Variants in LRMDA observed in about 807,000 individuals in gnomAD.
LRMDA encodes leucine rich melanocyte differentiation associated, also known as leucine-rich melanocyte differentiation-associated protein.
In LRMDA, 18 loss-of-function variants were observed where a neutral mutation model predicts 29.8. That is an observed-to-expected ratio of 0.60 (90% CI 0.42 to 0.90). The LOEUF (loss-of-function observed/expected upper bound fraction) is 0.90, where lower values mean the gene tolerates loss of function less well. LRMDA is among the 40% of genes least tolerant of loss of function. LRMDA has a pLI of 0.00. For synonymous variants in LRMDA, 125 were observed against 109.4 expected, an observed-to-expected ratio of 1.14 and a Z score of -0.89; for missense variants, 273 against 273.9, an observed-to-expected ratio of 1.00 and a Z score of 0.02.
At position 75,606,049 on chromosome 10, in the gene LRMDA, G is replaced by T. The variant is rs1173299604; in HGVS notation, c.131+167555G>T. 2.1e-5 allele frequency among the ~76,000 whole-genome samples: 3 copies of T among 143,294 alleles called. No homozygotes were observed. In the South Asian group the frequency reaches 6.2e-4, roughly 30 times the overall value. The allele number at this position is 143,294 out of a possible 152,430, so 94.0% of individuals were successfully genotyped here. A position where few individuals can be genotyped will look rare whatever the true frequency, so the allele number is the denominator to read the frequency against. ...ATTTTTGTATTTTTTGCAGAGATGGGGTTTCATCATATTGCCCAGGCTGGT... is the reference window on the plus strand; with the variant it reads ...ATTTTTGTATTTTTTGCAGAGATGGTGTTTCATCATATTGCCCAGGCTGGT... On this transcript the variant is annotated intron_variant, in intron 2 of 6. Transcript: ENST00000611255.
At chr10:75,779,852 C>A (rs1843358509) in intron 2 of LRMDA, among the ~76,000 whole-genome samples, 1 of 152,158 alleles carries the variant, frequency 6.6e-6, no homozygotes, top group Admixed American at 6.5e-5. Flanking sequence ...TTATGTCTAC[C>A]TGGAACCTAA....
intron 6 of LRMDA, among the ~76,000 whole-genome samples, chr10:76,515,040 T>C (rs1379277635): frequency 3.9e-5 from 6 of 152,128 alleles, no homozygotes; most frequent in South Asian, 2.1e-4. Context: ...GGCAGTTGTA[T>C]TGAAAAAAAA....
At chr10:75,851,224 A>C (rs1386854190) in intron 2 of LRMDA, among the ~76,000 whole-genome samples, 1 of 152,240 alleles carries the variant, frequency 6.6e-6, no homozygotes, top group Non-Finnish European at 1.5e-5. Context: ...TTGAGCTGAC[A>C]TGAAGGGTGC....
chr10:76,272,387 A>G (rs1316896265), intron 5 of LRMDA, among the ~76,000 whole-genome samples: 2 of 152,194 alleles, frequency 1.3e-5, no homozygotes, highest in Admixed American at 6.5e-5. Flanking sequence ...CAGCTCTTCA[A>G]TAGAACCTGG....
chr10:76,292,775 G>A (rs1004374565), intron 5 of LRMDA, among the ~76,000 whole-genome samples: 7 of 151,672 alleles, frequency 4.6e-5, no homozygotes, highest in Non-Finnish European at 8.8e-5. Flanking sequence ...AAAGCCGTGT[G>A]ACAATTGGCT....
chr10:76,093,345 AC>A (rs1405176551), intron 5 of LRMDA, among the ~76,000 whole-genome samples: 1 of 146,574 alleles, frequency 6.8e-6, no homozygotes, highest in East Asian at 2.5e-4. Flanking sequence ...GTTATTATAG[AC>A]AAAAAAAAAA....
intron 6 of LRMDA, among the ~76,000 whole-genome samples, chr10:76,405,054 T>G (rs950719247): frequency 1.3e-5 from 2 of 152,170 alleles, no homozygotes; most frequent in Non-Finnish European, 2.9e-5. Flanking sequence ...CTAGATGTTA[T>G]TAGCTCGGTG....
At position 76,426,065 on chromosome 10, in the gene LRMDA, G is replaced by A. The variant is rs186277615; in HGVS notation, c.601+101580G>A. ...TGAGTAGTGCCGCAAATAAACATAC[G>A]TGTGCATGTGTCTTTATAGCAGCAT... is the stretch of plus-strand genomic sequence containing the variant. On this transcript the variant is annotated intron_variant, in intron 6 of 6. Transcript: ENST00000611255. Among the ~76,000 whole-genome samples, 1,004 of 152,212 alleles carry A rather than the reference G, an allele frequency of 6.6e-3. 14 individuals carry two copies. Among genetic ancestry groups the A allele is most frequent in the African/African-American group, 0.023 (951 of 41,528 alleles).
At chr10:76,465,976 C>T (rs907034528) in intron 6 of LRMDA, among the ~76,000 whole-genome samples, 1 of 152,162 alleles carries the variant, frequency 6.6e-6, no homozygotes, top group Non-Finnish European at 1.5e-5. Flanking sequence ...TCTTTATATA[C>T]ACTATCTCCA....
chr10:76,376,444 G>A (rs760339435), intron 6 of LRMDA, among the ~76,000 whole-genome samples: 5 of 151,792 alleles, frequency 3.3e-5, no homozygotes, highest in Non-Finnish European at 7.4e-5. Flanking sequence ...CACACACACA[G>A]CACATTTTCT....
chr10:75,880,572 TG>T (rs1274270194), intron 2 of LRMDA, among the ~76,000 whole-genome samples: 6 of 152,184 alleles, frequency 3.9e-5, no homozygotes, highest in African/African-American at 1.2e-4. Context: ...GCTAATTCAT[TG>T]AAACTCCCTT....
chr10:76,488,988 T>C (rs115131825), intron 6 of LRMDA, among the ~76,000 whole-genome samples: 1,920 of 151,780 alleles, frequency 0.013, 39 homozygotes, highest in African/African-American at 0.044. Flanking sequence ...TTTTGATGTG[T>C]CTTCATCTGG....
chr10:75,922,942 A>G (rs559333918), intron 2 of LRMDA, among the ~76,000 whole-genome samples: 1 of 152,296 alleles, frequency 6.6e-6, no homozygotes, highest in East Asian at 1.9e-4. Context: ...GTGTGCCAGA[A>G]TATAAAGGCT....
At chr10:76,089,045 G>A (rs1239489682) in intron 5 of LRMDA, among the ~76,000 whole-genome samples, 1 of 152,174 alleles carries the variant, frequency 6.6e-6, no homozygotes, top group Non-Finnish European at 1.5e-5. Context: ...GAGGCTAGAG[G>A]TGAAAAAGAC....
chr10:76,303,917 T>G (rs1286690743), intron 5 of LRMDA, among the ~76,000 whole-genome samples: 1 of 152,044 alleles, frequency 6.6e-6, no homozygotes, highest in African/African-American at 2.4e-5. Context: ...TAGGTTACAC[T>G]ACAGCACCCC....
intron 2 of LRMDA, among the ~76,000 whole-genome samples, chr10:75,754,778 C>T (rs1017439316): frequency 2.6e-5 from 4 of 151,968 alleles, no homozygotes; most frequent in Non-Finnish European, 4.4e-5. Flanking sequence ...GGAATTTTTT[C>T]TCTCTCTCTC....
At chr10:75,733,454 C>T (rs1338280314) in intron 2 of LRMDA, among the ~76,000 whole-genome samples, 2 of 152,212 alleles carry the variant, frequency 1.3e-5, no homozygotes, top group Non-Finnish European at 2.9e-5. Flanking sequence ...AACTGTTCTC[C>T]TTCTGTAAAC....
chr10:75,486,831 T>G (rs1172090820), intron 2 of LRMDA, among the ~76,000 whole-genome samples: 1 of 152,212 alleles, frequency 6.6e-6, no homozygotes, highest in Non-Finnish European at 1.5e-5. Context: ...ATCCCAGCCA[T>G]CTCATCAGAC....
intron 5 of LRMDA, among the ~76,000 whole-genome samples, chr10:76,174,945 A>G (rs1850906029): frequency 6.6e-6 from 1 of 152,092 alleles, no homozygotes. Context: ...ACACAGGGAA[A>G]CCCAATCTCT....
Sources: allele counts gnomAD v4.1 joint callset (sites outside exome capture counted in the v4.1 genomes callset), GRCh38; gene constraint gnomAD v4.1.1; transcripts MANE v1.5; gene names NCBI Gene and HGNC (gene_info 2026-07-23, HGNC 2026-07-21).